TFR2: variants seen among roughly 807,000 people sequenced by gnomAD.
TFR2 encodes the protein transferrin receptor 2.
A neutral mutation model predicts 91.9 loss-of-function variants in TFR2; 64 were observed. The ratio of observed to expected loss-of-function variants is 0.70; its 90% CI spans 0.57 to 0.86. The LOEUF is 0.86. TFR2 is among the 40% of genes least tolerant of loss of function. The pLI is 0.00. For missense variants in TFR2, 950 were observed against 1,080.5 expected, an observed-to-expected ratio of 0.88 and a Z score of 1.69; for synonymous variants, 454 against 459.6, an observed-to-expected ratio of 0.99 and a Z score of 0.15.
chr7:100,623,803 A>T (rs923048527), intron 17 of TFR2, among the ~76,000 whole-genome samples: 3 of 147,072 alleles, frequency 2.0e-5, no homozygotes, highest in Non-Finnish European at 4.4e-5. Flanking sequence ...TAATCCTAGC[A>T]CTTTGGGAGG....
At position 100,630,652 on chromosome 7, in the gene TFR2, G is replaced by A. The variant is rs1803406716; in HGVS notation, c.1270+237C>T. Among the ~76,000 whole-genome samples, 4 of 152,336 alleles carry A rather than the reference G, an allele frequency of 2.6e-5. No individual in the cohort carries two copies. The South Asian group carries it at 8.3e-4, about 32-fold the overall frequency. ...GCTTACTCACTTCCAGTGCTGGGGAGCTCACTACTGGGCAACAACCCCCAT... is the reference window on the plus strand; with the variant it reads ...GCTTACTCACTTCCAGTGCTGGGGAACTCACTACTGGGCAACAACCCCCAT... On this transcript the variant is annotated intron_variant, in intron 9 of 17. Coordinates refer to ENST00000223051, the MANE Select transcript of TFR2 (RefSeq NM_003227.4).
intron 3 of TFR2, 85 bp from the exon 4 acceptor site, chr7:100,633,641 A>G (rs1803515338): frequency 3.6e-6 from 5 of 1,390,376 alleles, no homozygotes; most frequent in Middle Eastern, 2.9e-4. Context: ...TGGGGTCGCC[A>G]GGGGCAGGGG....
chr7:100,641,172 C>G lies in TFR2; in HGVS notation c.90G>C (p.Arg30=). The G allele has an allele frequency of 6.5e-7, 1 of 1,527,704 alleles. No individual in the cohort carries two copies. The highest frequency in any genetic ancestry group is 8.8e-7 in the Non-Finnish European group (1 of 1,136,550). The allele number at this position is 1,527,704 out of a possible 1,614,324, so 94.6% of individuals were successfully genotyped here. Residue 30 remains arginine (R), a synonymous_variant, in exon 2 of 18, where the codon CGG becomes CGC. Transcript: ENST00000223051. ...QTVYQRVEGP[R]KGHLEEEEED... ...CCTCTTCCTCCTCCAGGTGCCCTTTCCGGGGGCCTTCCACACGCTGGTAGA... is the reference window on the plus strand; with the variant it reads ...CCTCTTCCTCCTCCAGGTGCCCTTTGCGGGGGCCTTCCACACGCTGGTAGA...
chr7:100,628,589 A>G (rs369627433), intron 10 of TFR2, among the ~76,000 whole-genome samples: 1 of 151,504 alleles, frequency 6.6e-6, no homozygotes, highest in African/African-American at 2.4e-5. Context: ...TTTTGTAGAG[A>G]TGCAGTCTCC....
intron 8 of TFR2, among the ~76,000 whole-genome samples, 163 bp from the exon 9 acceptor site, chr7:100,631,215 T>C (rs1414090374): frequency 6.6e-6 from 1 of 151,910 alleles, no homozygotes; most frequent in Admixed American, 6.6e-5. Flanking sequence ...CTTGGATGGT[T>C]CTCAGCTGAG....
intron 13 of TFR2, 22 bp downstream of exon 13, chr7:100,627,885 C>A (rs748238420): frequency 1.2e-6 from 2 of 1,614,012 alleles, no homozygotes; most frequent in African/African-American, 2.7e-5. Flanking sequence ...CCCTTCACCC[C>A]CTATTCCTGG....
chr7:100,626,174 G>A (rs1803244483), intron 17 of TFR2, among the ~76,000 whole-genome samples: 1 of 152,150 alleles, frequency 6.6e-6, no homozygotes, highest in Non-Finnish European at 1.5e-5. Flanking sequence ...TAAGAAAATG[G>A]AAGGAAGTGG....
intron 6 of TFR2, chr7:100,632,661 C>T: frequency 2.8e-6 from 1 of 352,256 alleles, no homozygotes; most frequent in Non-Finnish European, 5.3e-6. Context: ...GCGATCCTCC[C>T]ACCGGAGCCT....
intron 3 of TFR2, among the ~76,000 whole-genome samples, chr7:100,638,185 A>C (rs1181832373): frequency 6.6e-6 from 1 of 151,926 alleles, no homozygotes; most frequent in Non-Finnish European, 1.5e-5. Context: ...TTGTGTTTTT[A>C]GTAGAAACGG....
At chr7:100,638,705 C>T (rs1173636553) in intron 3 of TFR2, among the ~76,000 whole-genome samples, 3 of 150,824 alleles carry the variant, frequency 2.0e-5, no homozygotes, top group Non-Finnish European at 4.4e-5. Flanking sequence ...GAGCCGAGAT[C>T]GCACCACTGC....
At chr7:100,640,581 G>A in intron 3 of TFR2, 105 bp downstream of exon 3, 3 of 1,347,280 alleles carry the variant, frequency 2.2e-6, no homozygotes, top group Non-Finnish European at 3.1e-6. Context: ...GGACTCAGGA[G>A]GGGGACCCAG....
Position 100,627,274 on chromosome 7 carries a change from C to A in TFR2, c.1985G>T (p.Gly662Val). 6.5e-7 allele frequency: 1 copy of A among 1,549,176 alleles called. No individual in the cohort carries two copies. The highest frequency in any genetic ancestry group is 8.7e-7 in the Non-Finnish European group (1 of 1,146,756). The change falls in exon 16 of 18, where the codon GGG (glycine) becomes GTG (valine). Residue 662 changes from glycine (G) to valine (V), a missense_variant. Physicochemically the swap from Gly to Val is moderately radical, Grantham distance 109. Transcript: ENST00000223051. ...RHIGNLNEFSGDLKARGLTLQ... is the reference protein window; with the variant it reads ...RHIGNLNEFSVDLKARGLTLQ... ...GTGGGCCTCTTGAACCTTGAGGTCCCCAGAGAACTCGTTGAGGTTCCCGAT... is the reference window on the plus strand; with the variant it reads ...GTGGGCCTCTTGAACCTTGAGGTCCACAGAGAACTCGTTGAGGTTCCCGAT...
intron 17 of TFR2, among the ~76,000 whole-genome samples, chr7:100,621,543 C>T (rs553801529): frequency 5.9e-5 from 9 of 152,228 alleles, no homozygotes; most frequent in Admixed American, 3.3e-4. Flanking sequence ...TGTGAGCCAC[C>T]ACGCTAGGCC....
intron 17 of TFR2, 165 bp downstream of exon 17, chr7:100,626,598 G>A (rs1803256559): frequency 7.0e-7 from 1 of 1,438,040 alleles, no homozygotes; most frequent in Non-Finnish European, 9.1e-7. Flanking sequence ...CAGCCTGACC[G>A]ATCTATGAGC....
chr7:100,626,142 T>C (rs1224046737), intron 17 of TFR2, among the ~76,000 whole-genome samples: 2 of 151,900 alleles, frequency 1.3e-5, no homozygotes, highest in African/African-American at 4.8e-5. Flanking sequence ...CATCAAAGGG[T>C]TGAGGGGTTG....
chr7:100,627,049 G>A (rs1191152316), intron 16 of TFR2, 146 bp from the exon 17 acceptor site: 1 of 1,375,276 alleles, frequency 7.3e-7, no homozygotes, highest in Non-Finnish European at 9.8e-7. Flanking sequence ...CAGAGTGCTG[G>A]AGGCAGGATG....
At chr7:100,632,431 C>G (rs1184432742) in intron 6 of TFR2, among the ~76,000 whole-genome samples, 1 of 152,104 alleles carries the variant, frequency 6.6e-6, no homozygotes, top group Non-Finnish European at 1.5e-5. Flanking sequence ...CTGATTTCCC[C>G]CAACACCCAA....
chr7:100,630,743 C>T, intron 9 of TFR2, 146 bp downstream of exon 9: 1 of 1,148,398 alleles, frequency 8.7e-7, no homozygotes, highest in East Asian at 2.5e-5. Context: ...CCAGTTCAGC[C>T]TCAACTTGCC....
intron 16 of TFR2, 136 bp downstream of exon 16, chr7:100,627,128 G>T: frequency 8.0e-7 from 1 of 1,243,918 alleles, no homozygotes. Flanking sequence ...CTGGGAGACT[G>T]GAGGCAGGGG....
Sources: gnomAD v4.1 joint callset for allele counts (sites outside exome capture counted in the v4.1 genomes callset) on GRCh38, gnomAD v4.1.1 for gene constraint, MANE v1.5 for transcripts, NCBI Gene and HGNC (gene_info 2026-07-23, HGNC 2026-07-21) for gene names.